Variants in KALRN observed in about 807,000 individuals in gnomAD.
KALRN encodes the protein kalirin.
In KALRN, 70 loss-of-function variants were observed where a neutral mutation model predicts 353.7. That is an observed-to-expected ratio of 0.20 (90% CI 0.16 to 0.24). The LOEUF (loss-of-function observed/expected upper bound fraction) is 0.24, where lower values mean the gene tolerates loss of function less well. KALRN is among the 10% of genes least tolerant of loss of function. The probability of loss-of-function intolerance (pLI) is 1.00; values close to 1 mark genes in which losing one functional copy is unlikely to be tolerated. For synonymous variants in KALRN, 1,391 were observed against 1,434.8 expected, an observed-to-expected ratio of 0.97 and a Z score of 0.69; for missense variants, 2,791 against 3,756.7, an observed-to-expected ratio of 0.74 and a Z score of 6.72.
chr3:124,090,954 A>G (rs559281654), intron 1 of KALRN, among the ~76,000 whole-genome samples: 2 of 152,316 alleles, frequency 1.3e-5, no homozygotes, highest in East Asian at 3.9e-4. Context: ...GATGATACTT[A>G]CTTGCTGTAG....
intron 1 of KALRN, among the ~76,000 whole-genome samples, chr3:124,102,241 TAAAG>T (rs1422248500): frequency 6.6e-6 from 1 of 152,164 alleles, no homozygotes; most frequent in Non-Finnish European, 1.5e-5. Context: ...TCTTGTCTAA[TAAAG>T]AGTTTGAACA....
intron 28 of KALRN, among the ~76,000 whole-genome samples, chr3:124,485,184 A>G (rs1281087987): frequency 4.6e-5 from 7 of 152,246 alleles, no homozygotes; most frequent in Non-Finnish European, 1.0e-4. Flanking sequence ...TTTTGAATGT[A>G]TGTATCCCAC....
At chr3:124,626,021 C>T (rs1199593963) in intron 34 of KALRN, among the ~76,000 whole-genome samples, 1 of 151,894 alleles carries the variant, frequency 6.6e-6, no homozygotes, top group Non-Finnish European at 1.5e-5. Flanking sequence ...GCAGAGGTTG[C>T]AGTGAGCTGA....
At chr3:124,696,380 A>G (rs2062051553) in intron 54 of KALRN, 125 bp downstream of exon 54, 1 of 733,672 alleles carries the variant, frequency 1.4e-6, no homozygotes, top group East Asian at 3.1e-5. Flanking sequence ...AAGCACTCCA[A>G]CCACCTCAGC....
intron 5 of KALRN, among the ~76,000 whole-genome samples, chr3:124,276,764 T>G (rs536133495): frequency 6.6e-6 from 1 of 152,310 alleles, no homozygotes; most frequent in South Asian, 2.1e-4. Flanking sequence ...AATCATCCAG[T>G]CCATGGTTCA....
At chr3:124,219,276 G>A (rs565503224) in intron 1 of KALRN, among the ~76,000 whole-genome samples, 1 of 152,342 alleles carries the variant, frequency 6.6e-6, no homozygotes, top group Non-Finnish European at 1.5e-5. Flanking sequence ...GAACAGGGAG[G>A]TACATGCCAG....
At chr3:124,376,633 T>A (rs1283018751) in intron 10 of KALRN, among the ~76,000 whole-genome samples, 1 of 152,206 alleles carries the variant, frequency 6.6e-6, no homozygotes, top group African/African-American at 2.4e-5. Context: ...TTAAACCTAT[T>A]ATGTGCTCAA....
At chr3:124,303,356 T>TA (rs1553903370) in intron 6 of KALRN, among the ~76,000 whole-genome samples, 6 of 152,216 alleles carry the variant, frequency 3.9e-5, no homozygotes, top group Non-Finnish European at 8.8e-5. Context: ...TGTTGCTTCT[T>TA]ACAGTGCCTC....
At chr3:124,210,251 C>G (rs2076789885) in intron 1 of KALRN, among the ~76,000 whole-genome samples, 3 of 152,182 alleles carry the variant, frequency 2.0e-5, no homozygotes, top group Non-Finnish European at 4.4e-5. Context: ...TCAGTAAATA[C>G]TAGTTCCCAT....
intron 1 of KALRN, among the ~76,000 whole-genome samples, chr3:124,074,670 T>A (rs550692704): frequency 6.6e-6 from 1 of 152,336 alleles, no homozygotes; most frequent in South Asian, 2.1e-4. Context: ...TCAGCGTTTC[T>A]TTCTCCTGCC....
At chr3:124,317,519 C>A (rs920977808) in intron 6 of KALRN, among the ~76,000 whole-genome samples, 1 of 152,068 alleles carries the variant, frequency 6.6e-6, no homozygotes, top group Non-Finnish European at 1.5e-5. Context: ...AGAAATAGTT[C>A]TTGTTCGGGG....
intron 33 of KALRN, chr3:124,518,921 A>C: frequency 1.0e-6 from 1 of 1,001,152 alleles, no homozygotes; most frequent in South Asian, 4.4e-5. Context: ...ATCTGGAAAA[A>C]CCCATCATTC....
chr3:124,387,315 G>A (rs2088522702), intron 11 of KALRN, among the ~76,000 whole-genome samples: 1 of 152,208 alleles, frequency 6.6e-6, no homozygotes, highest in Non-Finnish European at 1.5e-5. Flanking sequence ...ACTACTAGAA[G>A]GAGTGGTGTG....
intron 33 of KALRN, among the ~76,000 whole-genome samples, chr3:124,531,577 C>T (rs536222289): frequency 4.6e-5 from 7 of 152,308 alleles, no homozygotes; most frequent in South Asian, 2.1e-4. Context: ...ATGCTCACAT[C>T]TGCTGGGCTT....
intron 33 of KALRN, among the ~76,000 whole-genome samples, chr3:124,548,748 G>C (rs947487283): frequency 6.6e-5 from 10 of 152,322 alleles, no homozygotes; most frequent in African/African-American, 2.4e-4. Flanking sequence ...CCACCTCCTG[G>C]GTTCAAATGA....
chr3:124,309,451 C>T (rs1046190473), intron 6 of KALRN, among the ~76,000 whole-genome samples: 1 of 152,148 alleles, frequency 6.6e-6, no homozygotes, highest in Non-Finnish European at 1.5e-5. Context: ...GTCCCAGCTA[C>T]TTGTGAGGCT....
At chr3:124,512,851 T>C (rs942993156) in intron 33 of KALRN, among the ~76,000 whole-genome samples, 3 of 152,104 alleles carry the variant, frequency 2.0e-5, no homozygotes, top group Non-Finnish European at 4.4e-5. Context: ...TCTTTTTTAG[T>C]TTTTGTATTA....
intron 1 of KALRN, among the ~76,000 whole-genome samples, chr3:124,168,565 G>C (rs1255220962): frequency 6.6e-6 from 1 of 152,188 alleles, no homozygotes; most frequent in African/African-American, 2.4e-5. Context: ...AGTTAAACTA[G>C]GGGAATCTCC....
At chr3:124,607,053 A>T (rs536468941) in intron 34 of KALRN, among the ~76,000 whole-genome samples, 33 of 152,368 alleles carry the variant, frequency 2.2e-4, no homozygotes, top group African/African-American at 7.9e-4. Context: ...CTTTTGACTC[A>T]TCAATACCAC....
Sources: allele counts gnomAD v4.1 joint callset (sites outside exome capture counted in the v4.1 genomes callset), GRCh38; gene constraint gnomAD v4.1.1; transcripts MANE v1.5; gene names NCBI Gene and HGNC (gene_info 2026-07-23, HGNC 2026-07-21).